ZNF618: variants seen among roughly 807,000 people sequenced by gnomAD.
ZNF618 encodes the protein zinc finger protein 618, also known as neural precursor cell expressed, developmentally down-regulated 10.
In ZNF618, 34 loss-of-function variants were observed where a neutral mutation model predicts 103.0. The ratio of observed to expected loss-of-function variants is 0.33; its 90% CI spans 0.25 to 0.44. The LOEUF (loss-of-function observed/expected upper bound fraction) is 0.44. Among genes scored for constraint, ZNF618 ranks in the 20% least tolerant of loss-of-function variants. The pLI is 1.00. For missense variants in ZNF618, 1,059 were observed against 1,295.4 expected (o/e 0.82, Z 2.80); for synonymous variants, 551 against 542.2 (o/e 1.02, Z -0.23).
chr9:114,032,797 G>A (rs1369855459), intron 12 of ZNF618, 69 bp downstream of exon 12: 28 of 1,397,180 alleles, frequency 2.0e-5, no homozygotes, highest in Admixed American at 6.7e-5. Flanking sequence ...CCTGGCAGCC[G>A]CGGCAGCATC....
chr9:113,878,357 A>G (rs1828156339), intron 1 of ZNF618, among the ~76,000 whole-genome samples: 2 of 152,212 alleles, frequency 1.3e-5, no homozygotes, highest in East Asian at 1.9e-4. Context: ...GCAACAAAAT[A>G]AAGGAAAAAT....
chr9:113,965,832 T>C (rs1837350697), intron 1 of ZNF618, among the ~76,000 whole-genome samples: 1 of 152,190 alleles, frequency 6.6e-6, no homozygotes, highest in Non-Finnish European at 1.5e-5. Context: ...TTCCATTACC[T>C]GAGTAATGAC....
chr9:113,950,417 T>G (rs1835452708), intron 1 of ZNF618, among the ~76,000 whole-genome samples: 1 of 152,198 alleles, frequency 6.6e-6, no homozygotes, highest in Non-Finnish European at 1.5e-5. Context: ...TAGCATTTCT[T>G]CTGGCTCTTG....
intron 3 of ZNF618, among the ~76,000 whole-genome samples, chr9:113,994,264 C>T (rs533116006): frequency 6.6e-6 from 1 of 152,362 alleles, no homozygotes; most frequent in African/African-American, 2.4e-5. Flanking sequence ...CAGCCTGTGA[C>T]AGACCCAGGC....
chr9:114,038,446 G>GGCTGAATCCCAGCCAC (rs1453899852), intron 13 of ZNF618, among the ~76,000 whole-genome samples: 1 of 152,214 alleles, frequency 6.6e-6, no homozygotes, highest in African/African-American at 2.4e-5. Context: ...CGCAAAGCCA[G>GGCTGAATCCCAGCCAC]GCTGAATCCC....
At chr9:114,005,956 T>G (rs1841712995) in intron 6 of ZNF618, among the ~76,000 whole-genome samples, 1 of 152,214 alleles carries the variant, frequency 6.6e-6, no homozygotes, top group Non-Finnish European at 1.5e-5. Context: ...GATTCTGGTA[T>G]CCAGCATCCT....
intron 13 of ZNF618, among the ~76,000 whole-genome samples, chr9:114,046,589 G>A (rs537906653): frequency 6.6e-6 from 1 of 152,354 alleles, no homozygotes; most frequent in South Asian, 2.1e-4. Context: ...AAATGAGAGT[G>A]AGAGTGAACA....
intron 1 of ZNF618, among the ~76,000 whole-genome samples, chr9:113,949,980 T>C (rs1281154193): frequency 6.6e-6 from 1 of 152,214 alleles, no homozygotes; most frequent in African/African-American, 2.4e-5. Flanking sequence ...TCCTGACTTT[T>C]TATTTTATCT....
At chr9:114,000,029 A>G (rs1369666479) in intron 4 of ZNF618, among the ~76,000 whole-genome samples, 1 of 152,198 alleles carries the variant, frequency 6.6e-6, no homozygotes, top group African/African-American at 2.4e-5. Flanking sequence ...GCTAAATACA[A>G]AGAAATATGC....
intron 10 of ZNF618, among the ~76,000 whole-genome samples, chr9:114,018,108 A>G (rs1220401318): frequency 2.0e-5 from 3 of 152,188 alleles, no homozygotes; most frequent in African/African-American, 7.2e-5. Context: ...CATCTCTGAC[A>G]TGAGGTACCT....
At chr9:113,965,919 G>A (rs560109752) in intron 1 of ZNF618, among the ~76,000 whole-genome samples, 2 of 152,280 alleles carry the variant, frequency 1.3e-5, no homozygotes, top group African/African-American at 4.8e-5. Context: ...AAGGCCTTCG[G>A]GCTGTGTGGT....
At chr9:113,986,121 A>G (rs573136562) in intron 2 of ZNF618, among the ~76,000 whole-genome samples, 2 of 152,298 alleles carry the variant, frequency 1.3e-5, no homozygotes, top group Middle Eastern at 3.4e-3. Context: ...GGTCGTGGTG[A>G]CCATGTCTTG....
chr9:113,969,239 C>T (rs968103182), intron 2 of ZNF618, 79 bp downstream of exon 2: 10 of 1,553,284 alleles, frequency 6.4e-6, no homozygotes, highest in African/African-American at 4.1e-5. Flanking sequence ...CTCTCTGGTC[C>T]TCATCTTCCC....
At chr9:114,002,563 G>C in intron 5 of ZNF618, 61 bp from the exon 6 acceptor site, 5 of 1,566,798 alleles carry the variant, frequency 3.2e-6, no homozygotes, top group Non-Finnish European at 4.3e-6. Context: ...TTTGCACTTG[G>C]CACTGGCCCT....
At chr9:114,028,316 C>G (rs540275173) in intron 10 of ZNF618, 43 of 185,190 alleles carry the variant, frequency 2.3e-4, no homozygotes, top group Non-Finnish European at 4.0e-4. Flanking sequence ...TGCCTCACCC[C>G]CAGCCCCGGC....
At chr9:113,931,958 CATTT>C (rs1489173737) in intron 1 of ZNF618, among the ~76,000 whole-genome samples, 2 of 152,146 alleles carry the variant, frequency 1.3e-5, no homozygotes, top group African/African-American at 4.8e-5. Context: ...TTGATTCATT[CATTT>C]GTGAATTCAT....
At chr9:113,927,819 TGAG>T (rs1242017951) in intron 1 of ZNF618, among the ~76,000 whole-genome samples, 1 of 152,208 alleles carries the variant, frequency 6.6e-6, no homozygotes, top group Non-Finnish European at 1.5e-5. Context: ...TACCCCACCA[TGAG>T]GAGATTTTTC....
At chr9:114,043,802 G>A (rs1201068425) in intron 13 of ZNF618, among the ~76,000 whole-genome samples, 1 of 152,152 alleles carries the variant, frequency 6.6e-6, no homozygotes, top group Non-Finnish European at 1.5e-5. Context: ...GATCATTAGT[G>A]ATGTTGAGCA....
Position 113,923,743 on chromosome 9 carries a change from C to T in ZNF618, c.34-45374C>T, listed in dbSNP as rs567647760. 8.5e-5 allele frequency among the ~76,000 whole-genome samples: 13 copies of T among 152,058 alleles called. No homozygotes were observed. In the East Asian group the frequency reaches 2.5e-3, roughly 29 times the overall value. The stretch of plus-strand genomic sequence containing the variant: ...GAAGAGACATTGGTCTGTAGTTTTC[C>T]TTTTTTGTAATGTCTTTATCTGGTT... On this transcript the variant is annotated intron_variant, in intron 1 of 14. Transcript: ENST00000374126.
Sources: gnomAD v4.1 joint callset for allele counts (sites outside exome capture counted in the v4.1 genomes callset) on GRCh38, gnomAD v4.1.1 for gene constraint, MANE v1.5 for transcripts, NCBI Gene and HGNC (gene_info 2026-07-23, HGNC 2026-07-21) for gene names.